The following SHOC1 variants were observed in gnomAD, a reference collection of about 807,000 sequenced individuals.
The protein encoded by SHOC1 is shortage in chiasmata 1.
SHOC1 carries 136 observed loss-of-function variants against 179.2 expected under a neutral mutation model. That is an observed-to-expected ratio of 0.76 (90% CI 0.66 to 0.87). SHOC1 has a LOEUF of 0.87. SHOC1 is among the 40% of genes least tolerant of loss of function. SHOC1 has a pLI of 0.00. For synonymous variants in SHOC1, 489 were observed against 586.6 expected, an observed-to-expected ratio of 0.83 and a Z score of 2.41; for missense variants, 1,538 against 1,700.8, an observed-to-expected ratio of 0.90 and a Z score of 1.68.
chr9:111,718,391 T>A (rs909822240), intron 15 of SHOC1, 103 bp from the exon 16 acceptor site: 10 of 642,026 alleles, frequency 1.6e-5, no homozygotes, highest in Non-Finnish European at 2.0e-5. Flanking sequence ...TATTATTGAG[T>A]GCTTACTATA....
chr9:111,734,524 T>C (rs111807921), intron 12 of SHOC1, among the ~76,000 whole-genome samples: 2 of 152,202 alleles, frequency 1.3e-5, no homozygotes, highest in East Asian at 3.8e-4. Context: ...CAACCAAATA[T>C]CTTTGTCTTC....
intron 4 of SHOC1, among the ~76,000 whole-genome samples, chr9:111,779,655 C>A (rs961911241): frequency 6.6e-6 from 1 of 152,056 alleles, no homozygotes; most frequent in Non-Finnish European, 1.5e-5. Flanking sequence ...GGTGAAAAGA[C>A]ATCTTAGAGA....
chr9:111,691,897 A>C lies in SHOC1; in HGVS notation c.4080T>G (p.Phe1360Leu). ...TCTCTTGTTCCCATATATTTTTCTTAAAGTTCCAATGAAGAGGAGATTGAG... is the reference window on the plus strand; with the variant it reads ...TCTCTTGTTCCCATATATTTTTCTTCAAGTTCCAATGAAGAGGAGATTGAG... ...EGTQSPLHWN[F>L]KKNIWEQENH... Residue 1360 changes from phenylalanine (F) to leucine (L), a missense_variant, in exon 27 of 28, where the codon TTT (phenylalanine) becomes TTG (leucine). Phe to Leu is a conservative substitution (Grantham distance 22). Transcript: ENST00000682961. The C allele has an allele frequency of 6.2e-7, 1 of 1,613,896 alleles. No individual in the cohort carries two copies. Among genetic ancestry groups the C allele is most frequent in the Non-Finnish European group, 8.5e-7 (1 of 1,179,958 alleles).
chr9:111,722,803 T>G (rs1833126141), intron 14 of SHOC1, among the ~76,000 whole-genome samples: 1 of 152,092 alleles, frequency 6.6e-6, no homozygotes. Flanking sequence ...GGCTATATTA[T>G]TTATTTATTT....
intron 15 of SHOC1, 38 bp downstream of exon 15, chr9:111,722,371 A>C: frequency 2.0e-6 from 3 of 1,534,984 alleles, no homozygotes; most frequent in Non-Finnish European, 2.6e-6. Context: ...ATTTCTAAGC[A>C]TATCTTTTTA....
Position 111,738,359 on chromosome 9 carries a change from T to C in SHOC1, c.1338A>G (p.Thr446=). ...AAGACAAATTATCATGACATAAATA[T>C]GTATTCAGATGTTCCAATGTTTCCA... ...KMMETLEHLN[T]YLCHDNLSSN... The change falls in exon 12 of 28, where the codon ACA becomes ACG. Residue 446 remains threonine, a synonymous_variant. Coordinates refer to ENST00000682961, the MANE Select transcript of SHOC1 (RefSeq NM_001378211.1). 3 of 1,612,960 alleles carry C rather than the reference T, an allele frequency of 1.9e-6. No individual in the cohort carries two copies. The highest frequency in any genetic ancestry group is 2.5e-6 in the Non-Finnish European group (3 of 1,179,620).
intron 5 of SHOC1, chr9:111,759,420 A>G: frequency 7.1e-7 from 1 of 1,407,604 alleles, no homozygotes; most frequent in African/African-American, 1.4e-5. Flanking sequence ...GGAGTATGAT[A>G]TAGCTTATGT....
chr9:111,760,897 TA>T (rs1835106000), intron 5 of SHOC1, among the ~76,000 whole-genome samples: 1 of 151,642 alleles, frequency 6.6e-6, no homozygotes. Context: ...GATTACAAAG[TA>T]AATCTGGAAG....
At chr9:111,758,551 T>C in intron 6 of SHOC1, 144 bp downstream of exon 6, 1 of 720,086 alleles carries the variant, frequency 1.4e-6, no homozygotes. Context: ...ATTGCGCCAT[T>C]GTACTCCAGC....
intron 2 of SHOC1, among the ~76,000 whole-genome samples, chr9:111,790,851 T>C (rs1054352093): frequency 6.6e-6 from 1 of 152,166 alleles, no homozygotes; most frequent in Non-Finnish European, 1.5e-5. Flanking sequence ...CAGCCAAAAG[T>C]GGCATTTTAA....
intron 16 of SHOC1, among the ~76,000 whole-genome samples, chr9:111,716,661 G>A (rs1307147217): frequency 2.0e-5 from 3 of 152,098 alleles, no homozygotes; most frequent in African/African-American, 2.4e-5. Flanking sequence ...AAAGTGCTGG[G>A]ATTACAGGCG....
intron 18 of SHOC1, 108 bp from the exon 19 acceptor site, chr9:111,708,032 A>G: frequency 1.7e-6 from 1 of 576,130 alleles, no homozygotes; most frequent in Non-Finnish European, 2.9e-6. Flanking sequence ...GTGAATAACA[A>G]AACTGCTTAA....
intron 19 of SHOC1, 101 bp from the exon 20 acceptor site, chr9:111,706,847 A>T: frequency 1.4e-6 from 1 of 715,928 alleles, no homozygotes. Context: ...ATCCTTCTCT[A>T]ATCTATGCCT....
At position 111,699,858 on chromosome 9, in the gene SHOC1, A is replaced by C. The variant is rs1831878287; in HGVS notation, c.3183+96T>G. 8 of 654,964 alleles carry C rather than the reference A, an allele frequency of 1.2e-5. No individual in the cohort carries two copies. In the East Asian group the frequency reaches 2.1e-4, roughly 17 times the overall value. 40.6% of individuals were successfully genotyped at this position (654,964 alleles called of 1,614,324 possible). A position where few individuals can be genotyped will look rare whatever the true frequency, so the allele number is the denominator to read the frequency against. On this transcript the variant is annotated intron_variant, in intron 24 of 27. Coordinates refer to ENST00000682961, the MANE Select transcript of SHOC1 (RefSeq NM_001378211.1). ...TTAGCTTTTAAACAGTTTTTAATTC[A>C]TTTGCTTAACACTTTTTTCTCATTG...
chr9:111,793,625 G>T (rs1836521088), intron 1 of SHOC1, among the ~76,000 whole-genome samples: 1 of 151,192 alleles, frequency 6.6e-6, no homozygotes, highest in African/African-American at 2.4e-5. Flanking sequence ...CAAAATCATG[G>T]TTAGAGAGAG....
chr9:111,730,709 G>A (rs1460426606), intron 12 of SHOC1, among the ~76,000 whole-genome samples: 1 of 152,146 alleles, frequency 6.6e-6, no homozygotes, highest in East Asian at 1.9e-4. Flanking sequence ...AAGGGCCTTA[G>A]GATTTTCAGA....
At position 111,789,039 on chromosome 9, in the gene SHOC1, C is replaced by G. The variant is rs111412430; in HGVS notation, c.45+2335G>C. 6.3e-3 allele frequency among the ~76,000 whole-genome samples: 967 copies of G among 152,320 alleles called. 10 individuals carry two copies. Among genetic ancestry groups the G allele is most frequent in the African/African-American group, 0.022 (935 of 41,568 alleles). ...ATCCAACTCATCTTTCAAGGCCCAT[C>G]TTAAACAATATCTCTTCTATGAAGC... On this transcript the variant is annotated intron_variant, in intron 2 of 27. Transcript: ENST00000682961.
At chr9:111,743,087 T>C (rs1327768317) in intron 10 of SHOC1, among the ~76,000 whole-genome samples, 1 of 152,226 alleles carries the variant, frequency 6.6e-6, no homozygotes, top group Non-Finnish European at 1.5e-5. Context: ...GAATCTTATA[T>C]GTGGTAGGCA....
intron 12 of SHOC1, among the ~76,000 whole-genome samples, chr9:111,730,238 T>C (rs1414808017): frequency 6.6e-6 from 1 of 152,216 alleles, no homozygotes; most frequent in Non-Finnish European, 1.5e-5. Flanking sequence ...CTTTTTTCTA[T>C]CTTGCTAATG....
Sources: gnomAD v4.1 joint callset for allele counts (sites outside exome capture counted in the v4.1 genomes callset) on GRCh38, gnomAD v4.1.1 for gene constraint, MANE v1.5 for transcripts, NCBI Gene and HGNC (gene_info 2026-07-23, HGNC 2026-07-21) for gene names.